TBCD: variants seen among roughly 807,000 people sequenced by gnomAD.
The protein encoded by TBCD is tubulin-specific chaperone D.
Under a neutral mutation model 169.3 loss-of-function variants are expected in TBCD, and 105 were observed. That is an observed-to-expected ratio of 0.62 (90% CI 0.53 to 0.73). The LOEUF (loss-of-function observed/expected upper bound fraction) is 0.73, where lower values mean the gene tolerates loss of function less well. Ranked by LOEUF, TBCD falls within the 30% of genes least tolerant of loss-of-function variation. The pLI is 0.00. For synonymous variants in TBCD, 700 were observed against 643.9 expected (o/e 1.09, Z -1.32); for missense variants, 1,444 against 1,600.1 (o/e 0.90, Z 1.66).
intron 15 of TBCD, among the ~76,000 whole-genome samples, chr17:82,886,982 A>G (rs1027220822): frequency 2.9e-4 from 44 of 151,512 alleles, no homozygotes; most frequent in Non-Finnish European, 1.0e-4. Flanking sequence ...ATTTACATGG[A>G]GTTTTAAAGA....
At chr17:82,908,396 T>C (rs1343403987) in intron 21 of TBCD, 1 of 455,946 alleles carries the variant, frequency 2.2e-6, no homozygotes, top group Admixed American at 2.4e-5. Flanking sequence ...TGTTCATCTT[T>C]CTGGGCTTTG....
At chr17:82,862,174 A>G (rs1469368983) in intron 13 of TBCD, among the ~76,000 whole-genome samples, 3 of 152,212 alleles carry the variant, frequency 2.0e-5, no homozygotes, top group Admixed American at 6.5e-5. Flanking sequence ...TGCCCGCCTC[A>G]GCCTCCCAAA....
chr17:82,918,888 G>C (rs117093330), intron 23 of TBCD: 1 of 152,326 alleles, frequency 6.6e-6, no homozygotes, highest in East Asian at 1.9e-4. Flanking sequence ...GAAAGGATTC[G>C]CGCTGGGACA....
intron 13 of TBCD, among the ~76,000 whole-genome samples, chr17:82,865,231 C>T (rs1309317678): frequency 6.6e-6 from 1 of 150,962 alleles, no homozygotes; most frequent in Non-Finnish European, 1.5e-5. Context: ...TGTGCTGGTG[C>T]TGAAGGGAGG....
At chr17:82,868,344 A>G (rs569838773) in intron 13 of TBCD, among the ~76,000 whole-genome samples, 1 of 152,244 alleles carries the variant, frequency 6.6e-6, no homozygotes, top group South Asian at 2.1e-4. Flanking sequence ...GAGCCCTGGC[A>G]GGCTGGGGAG....
chr17:82,909,372 A>C (rs1376342355), intron 22 of TBCD, 65 bp downstream of exon 22: 1 of 1,397,050 alleles, frequency 7.2e-7, no homozygotes, highest in Admixed American at 2.0e-5. Context: ...TGTCAGGAGC[A>C]GGCGGGGCGG....
chr17:82,814,606 C>T (rs2051713827), intron 12 of TBCD, among the ~76,000 whole-genome samples: 2 of 152,238 alleles, frequency 1.3e-5, no homozygotes, highest in Admixed American at 6.5e-5. Context: ...ACCTCCGCCT[C>T]CCTGGTTCAA....
intron 13 of TBCD, among the ~76,000 whole-genome samples, chr17:82,854,885 A>G (rs990533030): frequency 6.6e-5 from 10 of 152,222 alleles, no homozygotes; most frequent in African/African-American, 9.6e-5. Flanking sequence ...TCACAAGACA[A>G]GCAAAGCTCT....
rs36145167 is a variant in TBCD at position 82,780,645 on chromosome 17, C to CT, written c.639-927dup. Among the ~76,000 whole-genome samples, 75 of 104,718 alleles carry CT rather than the reference C, an allele frequency of 7.2e-4. 7 individuals carry two copies. The highest frequency in any genetic ancestry group is 9.5e-4 in the Non-Finnish European group (53 of 55,856). 68.7% of individuals were successfully genotyped at this position (104,718 alleles called of 152,430 possible). A position where few individuals can be genotyped will look rare whatever the true frequency, so the allele number is the denominator to read the frequency against. The stretch of plus-strand genomic sequence containing the variant: ...ATCTCAAAAAAAAGGAAGACTTGGG[C>CT]TTTTTTTTTTTTTTTTTGAGACAGA... On this transcript the variant is annotated intron_variant, in intron 6 of 38. Coordinates refer to ENST00000355528, the MANE Select transcript of TBCD (RefSeq NM_005993.5).
Position 82,922,589 on chromosome 17 carries a change from G to C in TBCD, c.2178+1012G>C, listed in dbSNP as rs2061484269. Among the ~76,000 whole-genome samples, 1 of 151,916 alleles carries C rather than the reference G, an allele frequency of 6.6e-6. No homozygotes were observed. Among genetic ancestry groups the C allele is most frequent in the South Asian group, 2.1e-4 (1 of 4,806 alleles). On this transcript the variant is annotated intron_variant, in intron 25 of 38. Transcript: ENST00000355528. The surrounding 1 kb of genome is among the most constrained non-coding windows in gnomAD (Gnocchi z 4.1). Reference sequence around the variant, plus strand: ...AAGTACCGTTCTACTAATTGAATTTGAATGCATCATGATCAGTGCCTCAAA... The same window carrying C: ...AAGTACCGTTCTACTAATTGAATTTCAATGCATCATGATCAGTGCCTCAAA...
intron 13 of TBCD, among the ~76,000 whole-genome samples, chr17:82,847,779 G>A (rs1356128618): frequency 2.0e-5 from 3 of 152,096 alleles, no homozygotes; most frequent in Non-Finnish European, 2.9e-5. Context: ...GTGGTACCAC[G>A]CCTGGCTAGT....
intron 37 of TBCD, among the ~76,000 whole-genome samples, chr17:82,940,221 G>GCACACACACACACACACACACA (rs71168175): frequency 1.3e-3 from 175 of 131,804 alleles, no homozygotes; most frequent in Admixed American, 3.5e-3. Flanking sequence ...TTGCACGCGC[G>GCACACACACACACACACACACA]CACACACACA....
intron 12 of TBCD, among the ~76,000 whole-genome samples, chr17:82,812,350 C>T (rs1003599883): frequency 6.6e-6 from 1 of 152,176 alleles, no homozygotes; most frequent in African/African-American, 2.4e-5. Context: ...GCAGGAGCCT[C>T]ACCACGTGGG....
chr17:82,875,133 T>G (rs2146074340), intron 14 of TBCD, among the ~76,000 whole-genome samples: 2 of 152,364 alleles, frequency 1.3e-5, no homozygotes, highest in African/African-American at 4.8e-5. Context: ...TGCCTCATGG[T>G]GTGAATTTAT....
intron 14 of TBCD, among the ~76,000 whole-genome samples, chr17:82,881,112 G>A (rs1000206037): frequency 3.3e-5 from 5 of 152,034 alleles, no homozygotes; most frequent in Admixed American, 6.5e-5. Flanking sequence ...GGTTCCTGGC[G>A]TCTGTTTGCA....
chr17:82,787,781 G>C (rs1283757659), intron 7 of TBCD, among the ~76,000 whole-genome samples: 1 of 152,198 alleles, frequency 6.6e-6, no homozygotes, highest in African/African-American at 2.4e-5. Context: ...CTTGCAGTGA[G>C]GGTTTTTAAC....
chr17:82,922,613 A>C lies in TBCD; in HGVS notation c.2178+1036A>C, dbSNP rs1383382092. 3.3e-5 allele frequency among the ~76,000 whole-genome samples: 5 copies of C among 152,178 alleles called. No individual in the cohort carries two copies. Among genetic ancestry groups the C allele is most frequent in the African/African-American group, 1.2e-4 (5 of 41,448 alleles). Reference sequence around the variant, plus strand: ...TGAATGCATCATGATCAGTGCCTCAAAATTTTATTTCAAAAGTCCATGATT... The same window carrying C: ...TGAATGCATCATGATCAGTGCCTCACAATTTTATTTCAAAAGTCCATGATT... On this transcript the variant is annotated intron_variant, in intron 25 of 38. Transcript: ENST00000355528. The surrounding 1 kb of genome is among the most constrained non-coding windows in gnomAD (Gnocchi z 4.1).
At chr17:82,816,393 A>C (rs1336935022) in intron 13 of TBCD, among the ~76,000 whole-genome samples, 1 of 152,148 alleles carries the variant, frequency 6.6e-6, no homozygotes, top group Non-Finnish European at 1.5e-5. Context: ...GTGTAGGCCT[A>C]GTAGAAATGC....
intron 14 of TBCD, among the ~76,000 whole-genome samples, chr17:82,871,668 C>T (rs115633912): frequency 0.024 from 3,655 of 152,314 alleles, 169 homozygotes; most frequent in African/African-American, 0.083. Flanking sequence ...CGGGGCGGGG[C>T]GCCGGTGGCA....
Sources: gnomAD v4.1 joint callset for allele counts (sites outside exome capture counted in the v4.1 genomes callset) on GRCh38, gnomAD v4.1.1 for gene constraint, Gnocchi (gnomAD v3.1) non-coding constraint, MANE v1.5 for transcripts, NCBI Gene and HGNC (gene_info 2026-07-23, HGNC 2026-07-21) for gene names.